The following RAI1 variants were observed in gnomAD, a reference collection of about 807,000 sequenced individuals.
The protein encoded by RAI1 is retinoic acid-induced protein 1.
RAI1 carries 9 observed loss-of-function variants against 123.8 expected under a neutral mutation model. That is an observed-to-expected ratio of 0.07 (90% CI 0.04 to 0.13). RAI1 has a LOEUF of 0.13. Among genes scored for constraint, RAI1 ranks in the 10% least tolerant of loss-of-function variants. The pLI, the probability that RAI1 is intolerant of heterozygous loss-of-function variation, is 1.00. For missense variants in RAI1, 2,256 were observed against 2,545.8 expected (o/e 0.89, Z 2.45); for synonymous variants, 1,231 against 1,127.3 (o/e 1.09, Z -1.84).
chr17:17,806,490 C>CA (rs1383303581), intron 4 of RAI1, among the ~76,000 whole-genome samples: 1 of 152,204 alleles, frequency 6.6e-6, no homozygotes, highest in Non-Finnish European at 1.5e-5. Context: ...CCAGCTTCCC[C>CA]ATGAAGGGGA....
At chr17:17,807,809 C>T (rs1429080439) in intron 4 of RAI1, among the ~76,000 whole-genome samples, 1 of 152,208 alleles carries the variant, frequency 6.6e-6, no homozygotes, top group Non-Finnish European at 1.5e-5. Context: ...TAGTTCAGCC[C>T]CAGAACCACA....
At chr17:17,716,310 A>G (rs1322324988) in intron 1 of RAI1, among the ~76,000 whole-genome samples, 2 of 152,262 alleles carry the variant, frequency 1.3e-5, no homozygotes, top group Non-Finnish European at 2.9e-5. Flanking sequence ...GTGTGAAGGC[A>G]GGTGACTGAC....
At chr17:17,732,542 G>T (rs918796241) in intron 2 of RAI1, among the ~76,000 whole-genome samples, 1 of 152,182 alleles carries the variant, frequency 6.6e-6, no homozygotes, top group Non-Finnish European at 1.5e-5. Flanking sequence ...CCTGGGGTTT[G>T]CAGGCTTCTT....
At chr17:17,730,367 G>T (rs1487685585) in intron 2 of RAI1, among the ~76,000 whole-genome samples, 1 of 152,208 alleles carries the variant, frequency 6.6e-6, no homozygotes, top group East Asian at 1.9e-4. Flanking sequence ...CCCACCCCTA[G>T]GCCCCGCAGG....
At chr17:17,693,618 C>T (rs1318625423) in intron 1 of RAI1, among the ~76,000 whole-genome samples, 1 of 152,266 alleles carries the variant, frequency 6.6e-6, no homozygotes, top group Non-Finnish European at 1.5e-5. Flanking sequence ...ATGGCCGCCC[C>T]TCCTTCCCTT....
chr17:17,722,601 G>C (rs1915920261), intron 1 of RAI1, among the ~76,000 whole-genome samples: 1 of 152,228 alleles, frequency 6.6e-6, no homozygotes, highest in Non-Finnish European at 1.5e-5. Flanking sequence ...GTTCTCGGCT[G>C]TCTCCGGGCC....
intron 2 of RAI1, among the ~76,000 whole-genome samples, chr17:17,761,402 C>T (rs1020480733): frequency 3.3e-5 from 5 of 152,234 alleles, no homozygotes; most frequent in African/African-American, 1.2e-4. Flanking sequence ...TTTTTCTGAG[C>T]ACCTACTCTG....
chr17:17,711,326 C>T (rs1403588733), intron 1 of RAI1, among the ~76,000 whole-genome samples: 1 of 152,248 alleles, frequency 6.6e-6, no homozygotes, highest in African/African-American at 2.4e-5. Context: ...CCCGAGGCAT[C>T]TGGTGCACTG....
intron 1 of RAI1, among the ~76,000 whole-genome samples, chr17:17,704,685 T>C: frequency 6.6e-6 from 1 of 152,088 alleles, no homozygotes; most frequent in East Asian, 1.9e-4. Flanking sequence ...TAAGTGAAAC[T>C]CCCACTTCAG....
chr17:17,742,917 G>A (rs1032665197), intron 2 of RAI1, among the ~76,000 whole-genome samples: 1 of 152,196 alleles, frequency 6.6e-6, no homozygotes, highest in Non-Finnish European at 1.5e-5. Context: ...CAGGAGCCAG[G>A]TATTTATGTA....
intron 1 of RAI1, among the ~76,000 whole-genome samples, chr17:17,703,033 G>A (rs987547421): frequency 1.3e-5 from 2 of 152,246 alleles, no homozygotes; most frequent in African/African-American, 4.8e-5. Flanking sequence ...TTTACGTGTA[G>A]TAAGTGCTCA....
At position 17,811,126 on chromosome 17, in the gene RAI1, C is replaced by T; in HGVS notation, c.*1145C>T. 3.5e-6 allele frequency: 1 copy of T among 288,634 alleles called. No homozygotes were observed. The highest frequency in any genetic ancestry group is 2.9e-5 in the South Asian group (1 of 34,344). 17.9% of individuals were successfully genotyped at this position (288,634 alleles called of 1,614,324 possible). ...GTCCGTGTCCTCAGCTCTGTCCACGCTTCGATAGGCCTGACGCAGCCCCCA... is the reference window on the plus strand; with the variant it reads ...GTCCGTGTCCTCAGCTCTGTCCACGTTTCGATAGGCCTGACGCAGCCCCCA... On this transcript the variant is annotated 3_prime_UTR_variant, in exon 6 of 6. Coordinates refer to ENST00000353383, the MANE Select transcript of RAI1 (RefSeq NM_030665.4).
intron 2 of RAI1, chr17:17,779,053 T>A (rs914872233): frequency 8.0e-6 from 3 of 372,720 alleles, no homozygotes; most frequent in African/African-American, 6.3e-5. Flanking sequence ...CCTCGCCTGG[T>A]TTTTACTCTT....
intron 2 of RAI1, among the ~76,000 whole-genome samples, chr17:17,770,412 G>A (rs1031033444): frequency 6.6e-6 from 1 of 152,206 alleles, no homozygotes; most frequent in East Asian, 1.9e-4. Context: ...AGAGATGCTG[G>A]CGGCTGAGCT....
At position 17,714,458 on chromosome 17, in the gene RAI1, C is replaced by G. The variant is rs940769459; in HGVS notation, c.-148-9570C>G. ...AATCCTGGAGATTGAAAACTCAAAC[C>G]TCTCCATAGGCCAGGAGGGAATGAT... On this transcript the variant is annotated intron_variant, in intron 1 of 5. Coordinates refer to ENST00000353383, the MANE Select transcript of RAI1 (RefSeq NM_030665.4). This position sits in a 1 kb window ranked among gnomAD's most constrained non-coding sequence, Gnocchi z 4.9. Among the ~76,000 whole-genome samples, 7 of 152,188 alleles carry G rather than the reference C, an allele frequency of 4.6e-5. No individual in the cohort carries two copies. Among genetic ancestry groups the G allele is most frequent in the African/African-American group, 1.4e-4 (6 of 41,438 alleles).
At chr17:17,711,444 T>G (rs1598027611) in intron 1 of RAI1, among the ~76,000 whole-genome samples, 1 of 152,074 alleles carries the variant, frequency 6.6e-6, no homozygotes, top group African/African-American at 2.4e-5. Context: ...GGGGGGCGGG[T>G]GCTTGCCATT....
At chr17:17,721,057 C>A (rs1048130684) in intron 1 of RAI1, among the ~76,000 whole-genome samples, 2 of 151,506 alleles carry the variant, frequency 1.3e-5, no homozygotes, top group Non-Finnish European at 2.9e-5. Flanking sequence ...CACTGAGCGA[C>A]CTGGAATCTG....
intron 1 of RAI1, among the ~76,000 whole-genome samples, chr17:17,697,018 C>T (rs760813272): frequency 1.5e-4 from 23 of 152,220 alleles, no homozygotes; most frequent in Non-Finnish European, 3.1e-4. Context: ...CCAGCACAGC[C>T]TCCCTCTGCC....
intron 3 of RAI1, among the ~76,000 whole-genome samples, chr17:17,803,018 C>A (rs12946913): frequency 0.58 from 85,856 of 148,566 alleles, 25,495 homozygotes; most frequent in Middle Eastern, 0.65. Context: ...CAGGAGGCAG[C>A]GGTTGCCGTG....
Sources: allele counts gnomAD v4.1 joint callset (sites outside exome capture counted in the v4.1 genomes callset), GRCh38; gene constraint gnomAD v4.1.1; non-coding constraint Gnocchi (gnomAD v3.1); transcripts MANE v1.5; gene names NCBI Gene and HGNC (gene_info 2026-07-23, HGNC 2026-07-21).